Variants in PCDHA11 observed in about 807,000 individuals in gnomAD.
The protein encoded by PCDHA11 is protocadherin alpha-11.
A neutral mutation model predicts 70.3 loss-of-function variants in PCDHA11; 61 were observed. The ratio of observed to expected loss-of-function variants is 0.87; its 90% CI spans 0.71 to 1.07. The LOEUF is 1.07. Among genes scored for constraint, PCDHA11 ranks in the 50% least tolerant of loss-of-function variants. The pLI, the probability that PCDHA11 is intolerant of heterozygous loss-of-function variation, is 0.00. For missense variants in PCDHA11, 1,324 were observed against 1,237.5 expected, an observed-to-expected ratio of 1.07 and a Z score of -1.05; for synonymous variants, 633 against 555.1, an observed-to-expected ratio of 1.14 and a Z score of -1.97.
chr5:140,914,771 ACTTAT>A (rs1394572780), intron 1 of PCDHA11, among the ~76,000 whole-genome samples: 1 of 151,760 alleles, frequency 6.6e-6, no homozygotes, highest in Non-Finnish European at 1.5e-5. Context: ...GAGGTTTATG[ACTTAT>A]CTTATGACCC....
At chr5:141,007,706 C>T (rs1269578685) in intron 3 of PCDHA11, among the ~76,000 whole-genome samples, 1 of 152,218 alleles carries the variant, frequency 6.6e-6, no homozygotes, top group Non-Finnish European at 1.5e-5. Flanking sequence ...TCCTCTGCCT[C>T]CCACCACCAG....
Position 140,871,232 on chromosome 5 carries a change from T to C in PCDHA11, c.2129T>C (p.Leu710Pro). The change falls in exon 1 of 4, where the codon CTG (leucine) becomes CCG (proline). Residue 710 changes from leucine (L) to proline (P), a missense_variant. By Grantham distance (98) the Leu-to-Pro change is moderately conservative. Coordinates refer to ENST00000398640, the MANE Select transcript of PCDHA11 (RefSeq NM_018902.5). ...GCCATCTGCGTGGTGTCCAGCCTCCTGGTACTCACGCTGCTGCTGTATACG... is the reference window on the plus strand; with the variant it reads ...GCCATCTGCGTGGTGTCCAGCCTCCCGGTACTCACGCTGCTGCTGTATACG... ...IIAICVVSSL[L>P]VLTLLLYTAL... The C allele has an allele frequency of 6.2e-7, 1 of 1,613,948 alleles. No homozygotes were observed. Among genetic ancestry groups the C allele is most frequent in the South Asian group, 1.1e-5 (1 of 91,090 alleles).
intron 1 of PCDHA11, chr5:140,966,946 C>T: frequency 6.2e-7 from 1 of 1,603,486 alleles, no homozygotes; most frequent in Non-Finnish European, 8.5e-7. Flanking sequence ...TCGTGGGCAA[C>T]GTGGCTCGCG....
At chr5:140,927,142 G>T (rs781883795) in intron 1 of PCDHA11, 1 of 1,614,128 alleles carries the variant, frequency 6.2e-7, no homozygotes, top group South Asian at 1.1e-5. Context: ...GGCGGACCGC[G>T]AACAGCTGTG....
chr5:140,877,668 C>T, intron 1 of PCDHA11: 1 of 1,613,568 alleles, frequency 6.2e-7, no homozygotes, highest in Non-Finnish European at 8.5e-7. Context: ...TGAGCCGGTG[C>T]GCGCCGGGCA....
Position 140,968,348 on chromosome 5 carries a change from A to G in PCDHA11, c.2392-10601A>G, listed in dbSNP as rs782567344. The stretch of plus-strand genomic sequence containing the variant: ...CTCCTATGTCTCCATTAACAGTGCC[A>G]GTGGCAGCCTTTATGCTGTCAACTC... On this transcript the variant is annotated intron_variant, in intron 1 of 3. Coordinates refer to ENST00000398640, the MANE Select transcript of PCDHA11 (RefSeq NM_018902.5). 1 of 1,614,124 alleles carries G rather than the reference A, an allele frequency of 6.2e-7. No individual in the cohort carries two copies. The highest frequency in any genetic ancestry group is 2.2e-5 in the East Asian group (1 of 44,886).
At chr5:140,915,264 G>A (rs536821921) in intron 1 of PCDHA11, among the ~76,000 whole-genome samples, 9 of 151,876 alleles carry the variant, frequency 5.9e-5, no homozygotes, top group Non-Finnish European at 1.3e-4. Context: ...TATTATTTTT[G>A]ACCAGTTCAT....
In PCDHA11 at chr5:140,884,757, TCTTTA is replaced by T. The variant is rs1486319174; in HGVS notation, c.2391+13269_2391+13273del. On this transcript the variant is annotated intron_variant, in intron 1 of 3. Transcript: ENST00000398640. ...ATCTTTCCTGCCAATTTCAAATTATTCTTTACTTTAATTTTAATTTTGCTAGTTGT... is the reference window on the plus strand; with the variant it reads ...ATCTTTCCTGCCAATTTCAAATTATTCTTTAATTTTAATTTTGCTAGTTGT... The T allele has an allele frequency of 5.5e-5, 78 of 1,427,314 alleles. 1 individual carries two copies. The highest frequency in any genetic ancestry group is 1.3e-4 in the South Asian group (8 of 61,704). The allele number at this position is 1,427,314 out of a possible 1,614,324, so 88.4% of individuals were successfully genotyped here. A position where few individuals can be genotyped will look rare whatever the true frequency, so the allele number is the denominator to read the frequency against.
intron 1 of PCDHA11, among the ~76,000 whole-genome samples, chr5:140,896,384 C>T (rs778057567): frequency 2.0e-5 from 3 of 152,172 alleles, no homozygotes; most frequent in Non-Finnish European, 4.4e-5. Flanking sequence ...TCTGCAACCT[C>T]ACCAGCATCT....
At position 140,869,325 on chromosome 5, in the gene PCDHA11, T is replaced by C; in HGVS notation, c.222T>C (p.Leu74=). The C allele has an allele frequency of 1.2e-6, 2 of 1,613,866 alleles. No homozygotes were observed. Among genetic ancestry groups the C allele is most frequent in the Non-Finnish European group, 1.7e-6 (2 of 1,180,002 alleles). Residue 74 remains leucine (L), a synonymous_variant, in exon 1 of 4, where the codon CTT becomes CTC. Coordinates refer to ENST00000398640, the MANE Select transcript of PCDHA11 (RefSeq NM_018902.5). Reference sequence around the variant, plus strand: ...TGGCGTCCAAAACACATGGGGACCTTCTGGAGGTAAATCTGCAGAATGGCA... The same window carrying C: ...TGGCGTCCAAAACACATGGGGACCTCCTGGAGGTAAATCTGCAGAATGGCA... The part of the protein sequence containing the change: ...FRVASKTHGD[L]LEVNLQNGIL...
Position 140,869,617 on chromosome 5 carries a change from C to G in PCDHA11, c.514C>G (p.Leu172Val), listed in dbSNP as rs782525218. The stretch of plus-strand genomic sequence containing the variant: ...AGAGAATGCTCTATTGACCTACAGG[C>G]TAAGTAAAAATGAGTATTTTTCTTT... ...IEENALLTYR[L>V]SKNEYFSLDS... Residue 172 changes from leucine to valine, a missense_variant, in exon 1 of 4, where the codon CTA becomes GTA. Leu to Val is a conservative substitution (Grantham distance 32). Transcript: ENST00000398640. 5 of 1,613,828 alleles carry G rather than the reference C, an allele frequency of 3.1e-6. No homozygotes were observed. The highest frequency in any genetic ancestry group is 4.2e-6 in the Non-Finnish European group (5 of 1,179,910).
At chr5:140,876,961 C>A in intron 1 of PCDHA11, 1 of 1,613,154 alleles carries the variant, frequency 6.2e-7, no homozygotes, top group Non-Finnish European at 8.5e-7. Flanking sequence ...GCTGGTGGAG[C>A]GGCGGGTGGG....
At chr5:140,908,602 G>T (rs542051868) in intron 1 of PCDHA11, among the ~76,000 whole-genome samples, 67 of 152,202 alleles carry the variant, frequency 4.4e-4, no homozygotes, top group African/African-American at 1.3e-3. Context: ...AAGATGGAAG[G>T]GCCTTGCTCC....
intron 1 of PCDHA11, among the ~76,000 whole-genome samples, chr5:140,943,341 G>T (rs1021651625): frequency 5.3e-5 from 8 of 151,780 alleles, no homozygotes; most frequent in African/African-American, 1.9e-4. Context: ...CATTGGACAG[G>T]ATGAGAGTAG....
intron 1 of PCDHA11, chr5:140,877,603 C>G: frequency 6.2e-7 from 1 of 1,613,858 alleles, no homozygotes; most frequent in Non-Finnish European, 8.5e-7. Flanking sequence ...GTCCAGCCTG[C>G]TGGTGCTCAC....
intron 1 of PCDHA11, among the ~76,000 whole-genome samples, chr5:140,962,354 A>G (rs80298031): frequency 0.023 from 3,560 of 152,266 alleles, 46 homozygotes; most frequent in Middle Eastern, 0.034. Context: ...ACTCCCCCCA[A>G]TACTGGCTAG....
At chr5:140,980,436 C>T (rs1364418994) in intron 2 of PCDHA11, among the ~76,000 whole-genome samples, 1 of 152,134 alleles carries the variant, frequency 6.6e-6, no homozygotes, top group Admixed American at 6.5e-5. Context: ...TCGAGACCAT[C>T]CTGGACAACA....
At chr5:140,901,033 T>C (rs2153472378) in intron 1 of PCDHA11, among the ~76,000 whole-genome samples, 1 of 152,364 alleles carries the variant, frequency 6.6e-6, no homozygotes, top group South Asian at 2.1e-4. Flanking sequence ...TTCAACTCTT[T>C]TGCCCATTTT....
chr5:140,869,973 C>G lies in PCDHA11; in HGVS notation c.870C>G (p.His290Gln). ...TGTCAATTAAGCCCAATGGAAGACA[C>G]TTATTTACACTAGATCAAAATAATG... ...SLMSIKPNGR[H>Q]LFTLDQNNGE... Residue 290 changes from histidine to glutamine, a missense_variant, in exon 1 of 4, where the codon CAC becomes CAG. Physicochemically the swap from His to Gln is conservative, Grantham distance 24. Coordinates refer to ENST00000398640, the MANE Select transcript of PCDHA11 (RefSeq NM_018902.5). 1.2e-6 allele frequency: 2 copies of G among 1,613,100 alleles called. No homozygotes were observed. Among genetic ancestry groups the G allele is most frequent in the African/African-American group, 1.3e-5 (1 of 74,984 alleles).
Sources: allele counts gnomAD v4.1 joint callset (sites outside exome capture counted in the v4.1 genomes callset), GRCh38; gene constraint gnomAD v4.1.1; transcripts MANE v1.5; gene names NCBI Gene and HGNC (gene_info 2026-07-23, HGNC 2026-07-21).